Variants in CCDC172 observed in about 807,000 individuals in gnomAD.
CCDC172 encodes the protein coiled-coil domain-containing protein 172.
In CCDC172, 30 loss-of-function variants were observed where a neutral mutation model predicts 38.0. The observed-to-expected ratio is 0.79, with a 90% CI of 0.59 to 1.07. The LOEUF (loss-of-function observed/expected upper bound fraction) is 1.07, where lower values mean the gene tolerates loss of function less well. CCDC172 is among the 50% of genes least tolerant of loss of function. The pLI is 0.00. For synonymous variants in CCDC172, 78 were observed against 88.3 expected (o/e 0.88, Z 0.66); for missense variants, 297 against 290.1 (o/e 1.02, Z -0.17).
At chr10:116,369,338 A>T (rs1481534818) in intron 7 of CCDC172, among the ~76,000 whole-genome samples, 1 of 151,920 alleles carries the variant, frequency 6.6e-6, no homozygotes, top group Non-Finnish European at 1.5e-5. Context: ...ATCCTACTGC[A>T]TTTTCACTCA....
chr10:116,341,908 C>T (rs1762679967), intron 4 of CCDC172, 128 bp from the exon 5 acceptor site: 1 of 620,460 alleles, frequency 1.6e-6, no homozygotes, highest in South Asian at 6.7e-5. Context: ...ACATTTTTGC[C>T]ATAAAACCAG....
At chr10:116,325,164 C>A in intron 2 of CCDC172, 74 bp downstream of exon 2, 1 of 1,542,490 alleles carries the variant, frequency 6.5e-7, no homozygotes, top group Non-Finnish European at 9.0e-7. Context: ...AAGGAAATCC[C>A]GAAGGCAGTG....
At chr10:116,376,410 A>G (rs979676131) in intron 7 of CCDC172, among the ~76,000 whole-genome samples, 3 of 152,316 alleles carry the variant, frequency 2.0e-5, no homozygotes, top group South Asian at 2.1e-4. Context: ...TAGCTGCCCA[A>G]TTCCAGGCTC....
chr10:116,349,119 G>A (rs930860941), intron 5 of CCDC172, among the ~76,000 whole-genome samples: 1 of 152,120 alleles, frequency 6.6e-6, no homozygotes, highest in African/African-American at 2.4e-5. Context: ...CTCCTTATGA[G>A]AATCTAATGG....
chr10:116,372,976 C>G (rs1845203482), intron 7 of CCDC172, among the ~76,000 whole-genome samples: 1 of 152,080 alleles, frequency 6.6e-6, no homozygotes, highest in South Asian at 2.1e-4. Flanking sequence ...TAGACAAACT[C>G]AAGTTGATTG....
intron 7 of CCDC172, among the ~76,000 whole-genome samples, chr10:116,372,334 A>G (rs929581105): frequency 1.3e-5 from 2 of 152,064 alleles, no homozygotes; most frequent in Non-Finnish European, 2.9e-5. Context: ...TAAAACTTAC[A>G]TAGAGAAAAT....
chr10:116,332,113 T>A (rs1844671083), intron 3 of CCDC172, among the ~76,000 whole-genome samples: 1 of 152,200 alleles, frequency 6.6e-6, no homozygotes, highest in South Asian at 2.1e-4. Context: ...ATTTAAAGCC[T>A]AATCCCTAAT....
Position 116,342,405 on chromosome 10 carries a change from GGTCATT to G in CCDC172, c.448+205_448+210del. 1.0e-5 allele frequency: 4 copies of G among 398,962 alleles called. No individual in the cohort carries two copies. In the South Asian group the frequency reaches 1.5e-4, roughly 15 times the overall value. The allele number at this position is 398,962 out of a possible 1,614,324, so 24.7% of individuals were successfully genotyped here. ...AGAAGTACATGTGACATGAACATTTGGTCATTCATTTAATAAATAAATATCTGTTAT... is the reference window on the plus strand; with the variant it reads ...AGAAGTACATGTGACATGAACATTTGCATTTAATAAATAAATATCTGTTAT... On this transcript the variant is annotated intron_variant, in intron 5 of 8. Coordinates refer to ENST00000333254, the MANE Select transcript of CCDC172 (RefSeq NM_198515.3).
At chr10:116,335,212 T>A (rs1307570151) in intron 3 of CCDC172, among the ~76,000 whole-genome samples, 3 of 152,158 alleles carry the variant, frequency 2.0e-5, no homozygotes, top group South Asian at 4.1e-4. Context: ...TTTTCTTTTT[T>A]AAAATATTTT....
At chr10:116,354,594 T>G (rs1041264573) in intron 5 of CCDC172, among the ~76,000 whole-genome samples, 2 of 152,046 alleles carry the variant, frequency 1.3e-5, no homozygotes, top group Non-Finnish European at 2.9e-5. Context: ...CATGGTGGCA[T>G]GCACCTGTAG....
At chr10:116,371,354 T>C (rs777965662) in intron 7 of CCDC172, among the ~76,000 whole-genome samples, 1 of 151,930 alleles carries the variant, frequency 6.6e-6, no homozygotes, top group South Asian at 2.1e-4. Flanking sequence ...TTAATGAATT[T>C]CTAATATTTA....
At position 116,379,584 on chromosome 10, in the gene CCDC172, T is replaced by G; in HGVS notation, c.*226T>G. ...TTCTTCTGTGGTTTGATTTTGTTTC[T>G]AAAAGAAGGAAAAGGAGAAGAAGTA... On this transcript the variant is annotated 3_prime_UTR_variant, in exon 9 of 9. Transcript: ENST00000333254. 1 of 370,362 alleles carries G rather than the reference T, an allele frequency of 2.7e-6. No individual in the cohort carries two copies. Among genetic ancestry groups the G allele is most frequent in the Non-Finnish European group, 4.9e-6 (1 of 205,906 alleles). The allele number at this position is 370,362 out of a possible 1,614,324, so 22.9% of individuals were successfully genotyped here.
chr10:116,375,638 C>T (rs1412364415), intron 7 of CCDC172, among the ~76,000 whole-genome samples: 1 of 151,908 alleles, frequency 6.6e-6, no homozygotes, highest in Non-Finnish European at 1.5e-5. Context: ...TCCCATCTGA[C>T]AAAGGTCTAA....
intron 3 of CCDC172, among the ~76,000 whole-genome samples, chr10:116,336,341 G>C (rs1844733501): frequency 6.8e-6 from 1 of 147,404 alleles, no homozygotes; most frequent in African/African-American, 2.5e-5. Flanking sequence ...GGCTGGAATG[G>C]GGCAAGTGAG....
intron 5 of CCDC172, among the ~76,000 whole-genome samples, chr10:116,349,298 A>G (rs1020509775): frequency 7.2e-5 from 11 of 152,182 alleles, no homozygotes; most frequent in Non-Finnish European, 1.0e-4. Flanking sequence ...ATGTAATGCA[A>G]TTGAACCATC....
chr10:116,340,849 T>A lies in CCDC172; in HGVS notation c.281T>A (p.Phe94Tyr). ...TNHRNMLLQT[F>Y]EAIKKQMIEE... The stretch of plus-strand genomic sequence containing the variant: ...CATAGGAATATGCTTCTTCAAACCT[T>A]TGTAAGTTTCCAGCCACCTAGAAAA... The change falls in exon 4 of 9, where the codon TTT becomes TAT. Residue 94 changes from phenylalanine to tyrosine, a missense_variant and splice_region_variant. Phe to Tyr is a conservative substitution (Grantham distance 22). Coordinates refer to ENST00000333254, the MANE Select transcript of CCDC172 (RefSeq NM_198515.3). The A allele has an allele frequency of 6.8e-7, 1 of 1,473,490 alleles. No individual in the cohort carries two copies. The highest frequency in any genetic ancestry group is 9.4e-7 in the Non-Finnish European group (1 of 1,059,154). The allele number at this position is 1,473,490 out of a possible 1,614,324, so 91.3% of individuals were successfully genotyped here.
intron 6 of CCDC172, 88 bp downstream of exon 6, chr10:116,357,569 A>G: frequency 1.8e-6 from 2 of 1,101,780 alleles, no homozygotes; most frequent in Non-Finnish European, 2.5e-6. Context: ...AAATATATTA[A>G]CCTGTTGTGA....
At chr10:116,355,294 C>T (rs915101560) in intron 5 of CCDC172, among the ~76,000 whole-genome samples, 1 of 152,228 alleles carries the variant, frequency 6.6e-6, no homozygotes, top group East Asian at 1.9e-4. Context: ...TATTTAGATA[C>T]ACAAATGCTT....
At chr10:116,325,837 A>C (rs1046562609) in intron 3 of CCDC172, among the ~76,000 whole-genome samples, 5 of 152,202 alleles carry the variant, frequency 3.3e-5, no homozygotes, top group African/African-American at 1.2e-4. Context: ...CTTGCGTCCG[A>C]AGTATACCTT....
Sources: gnomAD v4.1 joint callset for allele counts (sites outside exome capture counted in the v4.1 genomes callset) on GRCh38, gnomAD v4.1.1 for gene constraint, MANE v1.5 for transcripts, NCBI Gene and HGNC (gene_info 2026-07-23, HGNC 2026-07-21) for gene names.